OSBPL10: variants seen among roughly 807,000 people sequenced by gnomAD.
OSBPL10 encodes the protein oxysterol-binding protein-related protein 10.
Under a neutral mutation model 81.7 loss-of-function variants are expected in OSBPL10, and 49 were observed. The observed-to-expected ratio is 0.60, with a 90% CI of 0.48 to 0.76. The LOEUF is 0.76. Among genes scored for constraint, OSBPL10 ranks in the 30% least tolerant of loss-of-function variants. The pLI, the probability that OSBPL10 is intolerant of heterozygous loss-of-function variation, is 0.00. For synonymous variants in OSBPL10, 419 were observed against 383.6 expected (o/e 1.09, Z -1.08); for missense variants, 923 against 987.8 (o/e 0.93, Z 0.88).
intron 4 of OSBPL10, among the ~76,000 whole-genome samples, chr3:31,762,629 C>CTTTTTTTTTTTTTTTTTTTTTT (rs1491572896): frequency 5.8e-5 from 1 of 17,238 alleles, no homozygotes; most frequent in African/African-American, 4.1e-4. Context: ...CCATGCCCAG[C>CTTTTTTTTTTTTTTTTTTTTTT]ATTTTTTTTT....
chr3:31,783,758 C>G (rs1426692323), intron 4 of OSBPL10, among the ~76,000 whole-genome samples: 1 of 119,330 alleles, frequency 8.4e-6, no homozygotes, highest in African/African-American at 3.3e-5. Context: ...ACCACTGCAC[C>G]CCAGACTGGG....
chr3:31,783,258 G>C (rs569338610), intron 4 of OSBPL10, among the ~76,000 whole-genome samples: 22 of 151,574 alleles, frequency 1.5e-4, no homozygotes, highest in African/African-American at 5.3e-4. Flanking sequence ...ACTCAGGAAT[G>C]GAAAACCAAA....
chr3:31,974,079 G>A (rs765243928), intron 1 of OSBPL10, among the ~76,000 whole-genome samples: 21 of 152,094 alleles, frequency 1.4e-4, no homozygotes, highest in African/African-American at 1.9e-4. Flanking sequence ...TAAACATCTC[G>A]TAAAAGTCAA....
Position 31,762,630 on chromosome 3 carries a change from A to ATTTTTTTTTTTTTTTTTTTTTTTTTTTTT in OSBPL10, c.730-14511_730-14510insAAAAAAAAAAAAAAAAAAAAAAAAAAAAA, listed in dbSNP as rs56311731. On this transcript the variant is annotated intron_variant, in intron 4 of 11. Coordinates refer to ENST00000396556, the MANE Select transcript of OSBPL10 (RefSeq NM_017784.5). ...GCCTATGCACAACACCATGCCCAGC[A>ATTTTTTTTTTTTTTTTTTTTTTTTTTTTT]TTTTTTTTTTTTTTTTTTTGTAGAG... is the stretch of plus-strand genomic sequence containing the variant. 6.5e-5 allele frequency among the ~76,000 whole-genome samples: 4 copies of ATTTTTTTTTTTTTTTTTTTTTTTTTTTTT among 61,482 alleles called. 2 individuals are homozygous for ATTTTTTTTTTTTTTTTTTTTTTTTTTTTT. The highest frequency in any genetic ancestry group is 1.1e-4 in the Non-Finnish European group (4 of 37,488). 40.3% of individuals were successfully genotyped at this position (61,482 alleles called of 152,430 possible). A position where few individuals can be genotyped will look rare whatever the true frequency, so the allele number is the denominator to read the frequency against.
rs1206002925 is a variant in OSBPL10, at chr3:31,830,072, G to A, written c.697C>T (p.Gln233Ter). 6.2e-7 allele frequency: 1 copy of A among 1,613,878 alleles called. No homozygotes were observed. The highest frequency in any genetic ancestry group is 1.7e-5 in the Admixed American group (1 of 60,006). ...ACTTCGTGAAGCTGGCCGGAATACT[G>A]ACTCTTGGCTCTTCGGGCGGCTGCA... ...SPAAARRAKSQYSGQLHEVRE... is the reference protein window; with the variant it reads ...SPAAARRAKS Residue 233 changes from glutamine (Q) to a stop codon, truncating the protein, a stop_gained, in exon 4 of 12, where the codon CAG (glutamine) becomes TAG (stop). Transcript: ENST00000396556. LOFTEE classifies it high-confidence loss of function.
In OSBPL10 at chr3:31,944,483, T is replaced by G. The variant is rs373008646; in HGVS notation, c.281+36416A>C. 9.2e-5 allele frequency among the ~76,000 whole-genome samples: 14 copies of G among 152,250 alleles called. 2 individuals are homozygous for G. Among genetic ancestry groups the G allele is most frequent in the African/African-American group, 3.4e-4 (14 of 41,544 alleles). ...TCAAATGGCAATCCATATTTTAAAC[T>G]AACAGGCCTGCTAAAGCATGGATAT... On this transcript the variant is annotated intron_variant, in intron 1 of 11. Coordinates refer to ENST00000396556, the MANE Select transcript of OSBPL10 (RefSeq NM_017784.5).
chr3:31,930,134 C>T (rs1292086167), intron 1 of OSBPL10, among the ~76,000 whole-genome samples: 1 of 149,564 alleles, frequency 6.7e-6, no homozygotes, highest in Non-Finnish European at 1.5e-5. Flanking sequence ...GCTGGGTCAA[C>T]ACAGCAAGAC....
intron 6 of OSBPL10, among the ~76,000 whole-genome samples, chr3:31,706,461 G>A (rs1037287777): frequency 6.6e-6 from 1 of 151,870 alleles, no homozygotes; most frequent in Non-Finnish European, 1.5e-5. Context: ...TGGGGTCTTG[G>A]GCTGGGAATG....
At position 31,797,152 on chromosome 3, in the gene OSBPL10, G is replaced by A. The variant is rs372884873; in HGVS notation, c.729+32888C>T. ...TGGGATTACAGGCATGCGCCACGAC[G>A]CCCAGCTAATTTTTGTATCTTTAGT... is the stretch of plus-strand genomic sequence containing the variant. On this transcript the variant is annotated intron_variant, in intron 4 of 11. Transcript: ENST00000396556. Among the ~76,000 whole-genome samples, 9 of 151,822 alleles carry A rather than the reference G, an allele frequency of 5.9e-5. No individual in the cohort carries two copies. In the East Asian group the frequency reaches 1.2e-3, roughly 20 times the overall value.
At chr3:31,692,789 C>T (rs1695593940) in intron 7 of OSBPL10, among the ~76,000 whole-genome samples, 2 of 152,210 alleles carry the variant, frequency 1.3e-5, no homozygotes, top group African/African-American at 2.4e-5. Flanking sequence ...TTGCAATTTA[C>T]AATGGCTACG....
Position 31,792,854 on chromosome 3 carries a change from G to A in OSBPL10, c.729+37186C>T, listed in dbSNP as rs1282673787. 3.1e-5 allele frequency among the ~76,000 whole-genome samples: 4 copies of A among 128,636 alleles called. No individual in the cohort carries two copies. The East Asian group carries it at 7.4e-4, about 24-fold the overall frequency. 84.4% of individuals were successfully genotyped at this position (128,636 alleles called of 152,430 possible). On this transcript the variant is annotated intron_variant, in intron 4 of 11. Coordinates refer to ENST00000396556, the MANE Select transcript of OSBPL10 (RefSeq NM_017784.5). ...TGCGTTTTGCACTCTCAGCTATCTA[G>A]GCACTCTGTGTGTGTGTGTGTGTGT...
At chr3:31,923,202 C>G (rs1696967893) in intron 1 of OSBPL10, among the ~76,000 whole-genome samples, 1 of 152,118 alleles carries the variant, frequency 6.6e-6, no homozygotes, top group South Asian at 2.1e-4. Context: ...GCTGAGCTAT[C>G]CAGACTGGTG....
At chr3:32,013,977 C>T (rs942123439) in intron 2 of OSBPL10, among the ~76,000 whole-genome samples, 3 of 152,164 alleles carry the variant, frequency 2.0e-5, no homozygotes, top group Non-Finnish European at 4.4e-5. Context: ...AAAAAAAGTA[C>T]AGGACCAGAT....
intron 3 of OSBPL10, among the ~76,000 whole-genome samples, chr3:31,852,304 G>C (rs894716192): frequency 6.6e-6 from 1 of 152,148 alleles, no homozygotes; most frequent in Non-Finnish European, 1.5e-5. Context: ...CGGGGGCAGG[G>C]GGTCGGGGGG....
intron 7 of OSBPL10, among the ~76,000 whole-genome samples, chr3:31,692,523 G>C (rs1231957675): frequency 6.6e-6 from 1 of 152,038 alleles, no homozygotes; most frequent in Non-Finnish European, 1.5e-5. Context: ...ACAATGCCCA[G>C]AGCAACCCCG....
At chr3:31,810,046 T>G (rs1394394581) in intron 4 of OSBPL10, among the ~76,000 whole-genome samples, 2 of 151,960 alleles carry the variant, frequency 1.3e-5, no homozygotes, top group Non-Finnish European at 2.9e-5. Flanking sequence ...TAATTTCGTA[T>G]CTTTGATAGA....
intron 3 of OSBPL10, among the ~76,000 whole-genome samples, chr3:31,875,230 C>A (rs968041350): frequency 9.9e-5 from 15 of 151,778 alleles, no homozygotes; most frequent in South Asian, 4.2e-4. Flanking sequence ...CTGTTAAGAA[C>A]AACTATCTCT....
chr3:31,905,927 A>G (rs1333001067), intron 1 of OSBPL10, among the ~76,000 whole-genome samples: 1 of 151,604 alleles, frequency 6.6e-6, no homozygotes, highest in African/African-American at 2.4e-5. Context: ...TCCTCAGATG[A>G]ACAAATATAT....
Position 31,879,778 on chromosome 3 carries a change from G to T in OSBPL10, c.334C>A (p.Gln112Lys), listed in dbSNP as rs2125638128. The change falls in exon 2 of 12, where the codon CAA (glutamine) becomes AAA (lysine). Residue 112 changes from glutamine to lysine, a missense_variant. Gln to Lys is a moderately conservative substitution (Grantham distance 53). Around this residue, in one of 3 missense-constraint regions of OSBPL10, gnomAD observed 514 missense variants for 508.0 expected, o/e 1.01. Coordinates refer to ENST00000396556, the MANE Select transcript of OSBPL10 (RefSeq NM_017784.5). Reference sequence around the variant, plus strand: ...CCTCGAGGCTTCTGGTGTTTGCTTTGCTCATTCACAAAATACTGCAGGATG... The same window carrying T: ...CCTCGAGGCTTCTGGTGTTTGCTTTTCTCATTCACAAAATACTGCAGGATG... The part of the protein sequence containing the change: ...AGILQYFVNE[Q>K]SKHQKPRGVL... 6.2e-7 allele frequency: 1 copy of T among 1,614,134 alleles called. No homozygotes were observed.
Sources: allele counts gnomAD v4.1 joint callset (sites outside exome capture counted in the v4.1 genomes callset), GRCh38; gene constraint gnomAD v4.1.1; regional missense constraint gnomAD v4.1.1; transcripts MANE v1.5; gene names NCBI Gene and HGNC (gene_info 2026-07-23, HGNC 2026-07-21).